The following CEP162 variants were observed in gnomAD, a reference collection of about 807,000 sequenced individuals.
CEP162 encodes the protein centrosomal protein 162, also known as centrosomal protein of 162 kDa.
CEP162 carries 141 observed loss-of-function variants against 169.2 expected under a neutral mutation model. The ratio of observed to expected loss-of-function variants is 0.83; its 90% CI spans 0.73 to 0.96. The LOEUF (loss-of-function observed/expected upper bound fraction) is 0.96, where lower values mean the gene tolerates loss of function less well. Ranked by LOEUF, CEP162 falls within the 40% of genes least tolerant of loss-of-function variation. The probability of loss-of-function intolerance (pLI) is 0.00; values close to 1 mark genes in which losing one functional copy is unlikely to be tolerated. For missense variants in CEP162, 1,600 were observed against 1,587.2 expected, an observed-to-expected ratio of 1.01 and a Z score of -0.14; for synonymous variants, 540 against 526.4, an observed-to-expected ratio of 1.03 and a Z score of -0.35.
Position 84,125,285 on chromosome 6 carries a change from A to G in CEP162, c.4006-9T>C. On this transcript the variant is annotated splice_polypyrimidine_tract_variant and intron_variant, in intron 26 of 26. Transcript: ENST00000403245. The stretch of plus-strand genomic sequence containing the variant: ...TGTGTTTGCTGTATTATCTGCAAAT[A>G]CAAAAATTCCACATTGCTGTTATAG... The G allele has an allele frequency of 6.2e-7, 1 of 1,611,344 alleles. No individual in the cohort carries two copies. Among genetic ancestry groups the G allele is most frequent in the Non-Finnish European group, 8.5e-7 (1 of 1,178,174 alleles).
At chr6:84,177,868 T>C (rs1183316545) in intron 13 of CEP162, among the ~76,000 whole-genome samples, 5 of 152,160 alleles carry the variant, frequency 3.3e-5, no homozygotes, top group Admixed American at 3.3e-4. Context: ...ACACTCTTTT[T>C]AAAAGTATGA....
chr6:84,131,445 G>C (rs573023153), intron 25 of CEP162, among the ~76,000 whole-genome samples: 47 of 152,216 alleles, frequency 3.1e-4, no homozygotes, highest in Non-Finnish European at 5.4e-4. Flanking sequence ...TGACAGTGGG[G>C]TGTTAAAGTC....
intron 1 of CEP162, among the ~76,000 whole-genome samples, chr6:84,226,889 A>G (rs1213266393): frequency 6.6e-6 from 1 of 152,222 alleles, no homozygotes; most frequent in Admixed American, 6.5e-5. Context: ...ACCAATCCAT[A>G]GTAATAGTTT....
chr6:84,149,330 T>C (rs2099520255), intron 24 of CEP162, among the ~76,000 whole-genome samples: 1 of 152,188 alleles, frequency 6.6e-6, no homozygotes. Context: ...TTTATTTATA[T>C]GGTGTAGTTT....
chr6:84,200,934 G>A, intron 8 of CEP162, 29 bp from the exon 9 acceptor site: 1 of 1,300,418 alleles, frequency 7.7e-7, no homozygotes, highest in Non-Finnish European at 1.1e-6. Context: ...AAAATATAAG[G>A]AATGTAGATA....
intron 21 of CEP162, among the ~76,000 whole-genome samples, chr6:84,157,670 A>T (rs1191209130): frequency 4.6e-5 from 7 of 152,156 alleles, no homozygotes; most frequent in African/African-American, 7.2e-5. Flanking sequence ...ACGTCTCAAA[A>T]AAAAAAGAAA....
At chr6:84,208,666 T>C (rs1257185184) in intron 6 of CEP162, among the ~76,000 whole-genome samples, 3 of 152,198 alleles carry the variant, frequency 2.0e-5, no homozygotes, top group Admixed American at 2.0e-4. Context: ...AGCATGTGTA[T>C]TGTAACTTAG....
chr6:84,195,654 GTTTTTTT>G (rs1205542869), intron 9 of CEP162, among the ~76,000 whole-genome samples: 1 of 151,834 alleles, frequency 6.6e-6, no homozygotes, highest in South Asian at 2.1e-4. Flanking sequence ...GTCAAACATT[GTTTTTTT>G]TCCTGTAACT....
intron 13 of CEP162, among the ~76,000 whole-genome samples, chr6:84,181,326 C>T (rs2099534714): frequency 6.6e-6 from 1 of 152,176 alleles, no homozygotes; most frequent in Non-Finnish European, 1.5e-5. Flanking sequence ...TGGATCCCTT[C>T]CTTACACCTT....
rs550138302 is a variant in CEP162, at chr6:84,225,306, C to A, written c.57+1031G>T. 3.3e-5 allele frequency among the ~76,000 whole-genome samples: 5 copies of A among 152,300 alleles called. No individual in the cohort carries two copies. The East Asian group carries it at 7.7e-4, about 24-fold the overall frequency. ...GGCTATATGGTATAGCTTATTGCTC[C>A]TAGGTTACAAAGCTGTTCAGCATGT... On this transcript the variant is annotated intron_variant, in intron 2 of 26. Coordinates refer to ENST00000403245, the MANE Select transcript of CEP162 (RefSeq NM_014895.4).
chr6:84,194,324 C>T (rs950607217), intron 10 of CEP162, among the ~76,000 whole-genome samples: 10 of 141,714 alleles, frequency 7.1e-5, no homozygotes, highest in Non-Finnish European at 1.4e-4. Flanking sequence ...CATTGCACTC[C>T]AGCCTGGGCG....
At position 84,171,603 on chromosome 6, in the gene CEP162, T is replaced by C; in HGVS notation, c.2279+3A>G. On this transcript the variant is annotated splice_donor_region_variant and intron_variant, in intron 17 of 26. Coordinates refer to ENST00000403245, the MANE Select transcript of CEP162 (RefSeq NM_014895.4). ...TGATTTTAAGAAGTTCAAAAGGACT[T>C]ACTTTAAGGAAGCTACCTCACTGAA... 1 of 1,301,170 alleles carries C rather than the reference T, an allele frequency of 7.7e-7. No individual in the cohort carries two copies. Among genetic ancestry groups the C allele is most frequent in the African/African-American group, 1.5e-5 (1 of 65,874 alleles). The allele number at this position is 1,301,170 out of a possible 1,614,324, so 80.6% of individuals were successfully genotyped here.
At chr6:84,189,713 G>A (rs942025499) in intron 11 of CEP162, among the ~76,000 whole-genome samples, 5 of 152,200 alleles carry the variant, frequency 3.3e-5, no homozygotes, top group Admixed American at 1.3e-4. Flanking sequence ...CCTGCTCCAC[G>A]GCGCCCAGTC....
intron 15 of CEP162, among the ~76,000 whole-genome samples, 198 bp downstream of exon 15, chr6:84,174,529 T>C (rs972888480): frequency 1.3e-5 from 2 of 152,186 alleles, no homozygotes; most frequent in African/African-American, 4.8e-5. Flanking sequence ...CCAATTTAAA[T>C]TTAATTTTCT....
intron 21 of CEP162, among the ~76,000 whole-genome samples, chr6:84,159,300 T>C (rs1254342582): frequency 6.6e-6 from 1 of 150,540 alleles, no homozygotes; most frequent in Non-Finnish European, 1.5e-5. Flanking sequence ...GAGGTTACTT[T>C]TATAAAGTGG....
chr6:84,206,136 C>T (rs1383885927), intron 6 of CEP162, among the ~76,000 whole-genome samples: 1 of 149,232 alleles, frequency 6.7e-6, no homozygotes, highest in Non-Finnish European at 1.5e-5. Context: ...TGAAAATGGC[C>T]ATACTGCCCA....
At position 84,145,352 on chromosome 6, in the gene CEP162, A is replaced by G. The variant is rs558415787; in HGVS notation, c.3870+1335T>C. On this transcript the variant is annotated intron_variant, in intron 25 of 26. Transcript: ENST00000403245. ...TCCTTATTAAAAGTTCCAGCAAAAC[A>G]GACTTATAAAAGAGCCTATATGATT... 1.4e-4 allele frequency among the ~76,000 whole-genome samples: 21 copies of G among 152,282 alleles called. No homozygotes were observed. In the South Asian group the frequency reaches 4.3e-3, roughly 32 times the overall value.
At chr6:84,185,523 T>C (rs1186145322) in intron 12 of CEP162, 75 bp from the exon 13 acceptor site, 10 of 1,269,400 alleles carry the variant, frequency 7.9e-6, no homozygotes, top group Non-Finnish European at 9.9e-6. Flanking sequence ...ATTTAATAGA[T>C]GGCAAAACAA....
intron 25 of CEP162, among the ~76,000 whole-genome samples, chr6:84,130,173 A>G (rs919626810): frequency 2.6e-5 from 4 of 152,168 alleles, no homozygotes; most frequent in Non-Finnish European, 5.9e-5. Context: ...TGATTTGCGT[A>G]TGGTGAACCA....
Sources: gnomAD v4.1 joint callset for allele counts (sites outside exome capture counted in the v4.1 genomes callset) on GRCh38, gnomAD v4.1.1 for gene constraint, MANE v1.5 for transcripts, NCBI Gene and HGNC (gene_info 2026-07-23, HGNC 2026-07-21) for gene names.